GAB4: variants seen among roughly 807,000 people sequenced by gnomAD.
GAB4 encodes the protein GRB2 associated binding protein family member 4, also known as GRB2-associated-binding protein 4.
Under a neutral mutation model 51.3 loss-of-function variants are expected in GAB4, and 26 were observed. The ratio of observed to expected loss-of-function variants is 0.51; its 90% CI spans 0.37 to 0.70. The LOEUF is 0.70. Ranked by LOEUF, GAB4 falls within the 30% of genes least tolerant of loss-of-function variation. The pLI is 0.00. For missense variants in GAB4, 759 were observed against 734.6 expected (o/e 1.03, Z -0.38); for synonymous variants, 329 against 291.2 (o/e 1.13, Z -1.32).
Position 16,969,273 on chromosome 22 carries a change from C to T in GAB4, c.937+670G>A, listed in dbSNP as rs553772601. Among the ~76,000 whole-genome samples, 8 of 152,336 alleles carry T rather than the reference C, an allele frequency of 5.3e-5. No individual in the cohort carries two copies. In the South Asian group the frequency reaches 1.7e-3, roughly 32 times the overall value. On this transcript the variant is annotated intron_variant, in intron 4 of 9. Coordinates refer to ENST00000400588, the MANE Select transcript of GAB4 (RefSeq NM_001037814.1). Reference sequence around the variant, plus strand: ...GGTTTGGCTCTAGTTTTGGACTGATCTCCTAAACTTCTGTTTTAAGTCTTT... The same window carrying T: ...GGTTTGGCTCTAGTTTTGGACTGATTTCCTAAACTTCTGTTTTAAGTCTTT...
In GAB4 at chr22:16,969,706, G is replaced by T. The variant is rs531567490; in HGVS notation, c.937+237C>A. The T allele has an allele frequency of 1.1e-5, 7 of 658,132 alleles. No individual in the cohort carries two copies. The South Asian group carries it at 1.2e-4, about 12-fold the overall frequency. The allele number at this position is 658,132 out of a possible 1,614,324, so 40.8% of individuals were successfully genotyped here. A position where few individuals can be genotyped will look rare whatever the true frequency, so the allele number is the denominator to read the frequency against. ...CACCTGCTACTTTCACTGACTAAAGGTCTCTGCTGAGGGCTGCCCCACTGA... is the reference window on the plus strand; with the variant it reads ...CACCTGCTACTTTCACTGACTAAAGTTCTCTGCTGAGGGCTGCCCCACTGA... On this transcript the variant is annotated intron_variant, in intron 4 of 9. Coordinates refer to ENST00000400588, the MANE Select transcript of GAB4 (RefSeq NM_001037814.1).
At chr22:16,964,637 T>A (rs916729169) in intron 8 of GAB4, 129 bp downstream of exon 8, 18 of 624,308 alleles carry the variant, frequency 2.9e-5, no homozygotes, top group Non-Finnish European at 5.2e-5. Flanking sequence ...GAGCTTGCAA[T>A]AGGAGACCAA....
In GAB4 at chr22:16,962,688, C is replaced by T. The variant is rs201393613; in HGVS notation, c.*45G>A. 1.3e-5 allele frequency: 21 copies of T among 1,573,080 alleles called. No homozygotes were observed. Among genetic ancestry groups the T allele is most frequent in the Non-Finnish European group, 1.8e-5 (21 of 1,158,396 alleles). On this transcript the variant is annotated 3_prime_UTR_variant, in exon 10 of 10. Coordinates refer to ENST00000400588, the MANE Select transcript of GAB4 (RefSeq NM_001037814.1). Reference sequence around the variant, plus strand: ...AGAGCTTTAGAGTGTGGCGGAGCAGCTCTGAGGCACTGTCCTGGCCCCACT... The same window carrying T: ...AGAGCTTTAGAGTGTGGCGGAGCAGTTCTGAGGCACTGTCCTGGCCCCACT...
chr22:16,963,210 C>T (rs1286237658), intron 9 of GAB4, among the ~76,000 whole-genome samples: 1 of 152,176 alleles, frequency 6.6e-6, no homozygotes, highest in African/African-American at 2.4e-5. Context: ...CAGCCTAGGC[C>T]TTTCCAGGGG....
chr22:16,966,374 G>A lies in GAB4; in HGVS notation c.1024-10C>T, dbSNP rs930643688. On this transcript the variant is annotated splice_polypyrimidine_tract_variant and intron_variant, in intron 5 of 9. Coordinates refer to ENST00000400588, the MANE Select transcript of GAB4 (RefSeq NM_001037814.1). ...CAAGCGTTCTTCCTGGCTAGGAAGA[G>A]GACAGTGAAAGAAACACAGCTATCA... The A allele has an allele frequency of 1.1e-5, 18 of 1,604,952 alleles. No individual in the cohort carries two copies. The Admixed American group carries it at 1.3e-4, about 12-fold the overall frequency.
At chr22:17,004,996 G>A (rs2061028596) in intron 1 of GAB4, among the ~76,000 whole-genome samples, 1 of 152,178 alleles carries the variant, frequency 6.6e-6, no homozygotes, top group African/African-American at 2.4e-5. Context: ...GGAAGTTCTG[G>A]CCAGGACAAT....
At chr22:16,962,905 G>T in intron 9 of GAB4, 29 bp from the exon 10 acceptor site, 1 of 1,598,770 alleles carries the variant, frequency 6.3e-7, no homozygotes, top group Non-Finnish European at 8.5e-7. Context: ...AAGTGGGAGT[G>T]GCAGTGTCTG....
rs1298434648 is a variant in GAB4 at position 16,976,173 on chromosome 22, T to C, written c.687-5980A>G. Among the ~76,000 whole-genome samples the C allele has an allele frequency of 2.6e-5, 4 of 152,196 alleles. No homozygotes were observed. In the South Asian group the frequency reaches 6.2e-4, roughly 24 times the overall value. ...GAACAAAACTGCACAGAGAATGAGTTTGACCAACTGACAGAAGTAGGCTTC... is the reference window on the plus strand; with the variant it reads ...GAACAAAACTGCACAGAGAATGAGTCTGACCAACTGACAGAAGTAGGCTTC... On this transcript the variant is annotated intron_variant, in intron 3 of 9. Coordinates refer to ENST00000400588, the MANE Select transcript of GAB4 (RefSeq NM_001037814.1).
chr22:16,967,301 G>C (rs2123645092), intron 5 of GAB4: 1 of 153,174 alleles, frequency 6.5e-6, no homozygotes, highest in Non-Finnish European at 1.5e-5. Flanking sequence ...TGCAGATGTG[G>C]CTCAGCACCC....
intron 3 of GAB4, among the ~76,000 whole-genome samples, chr22:16,973,012 G>A (rs56653718): frequency 0.088 from 13,445 of 152,112 alleles, 625 homozygotes; most frequent in Non-Finnish European, 0.097. Flanking sequence ...GACACTTCTG[G>A]GCTTTGTCCT....
intron 2 of GAB4, among the ~76,000 whole-genome samples, chr22:16,990,408 T>A (rs2060904352): frequency 6.6e-6 from 1 of 152,180 alleles, no homozygotes; most frequent in Non-Finnish European, 1.5e-5. Flanking sequence ...TATGTGTTGA[T>A]CAAACAAAGG....
At chr22:16,970,924 G>A (rs1422003334) in intron 3 of GAB4, among the ~76,000 whole-genome samples, 2 of 152,098 alleles carry the variant, frequency 1.3e-5, no homozygotes, top group South Asian at 2.1e-4. Flanking sequence ...AGCCAGGCAC[G>A]GTGGCCCACA....
At position 16,962,726 on chromosome 22, in the gene GAB4, G is replaced by T. The variant is rs755839726; in HGVS notation, c.*7C>A. ...TCCTGGCCCCACTCTGGTTTTGGTGGCCCGAGTCACAGCTTGGCGCCCCTG... is the reference window on the plus strand; with the variant it reads ...TCCTGGCCCCACTCTGGTTTTGGTGTCCCGAGTCACAGCTTGGCGCCCCTG... On this transcript the variant is annotated 3_prime_UTR_variant, in exon 10 of 10. Transcript: ENST00000400588. 1 of 1,607,576 alleles carries T rather than the reference G, an allele frequency of 6.2e-7. No homozygotes were observed. Among genetic ancestry groups the T allele is most frequent in the African/African-American group, 1.3e-5 (1 of 74,878 alleles).
chr22:16,964,316 C>G (rs1373161543), intron 8 of GAB4, among the ~76,000 whole-genome samples: 1 of 152,200 alleles, frequency 6.6e-6, no homozygotes, highest in Non-Finnish European at 1.5e-5. Context: ...GCTCATTCTT[C>G]CAATATCTAT....
At chr22:16,968,166 T>A (rs2060697265) in intron 5 of GAB4, 132 bp downstream of exon 5, 1 of 682,920 alleles carries the variant, frequency 1.5e-6, no homozygotes, top group African/African-American at 1.8e-5. Flanking sequence ...GGTTCTGAAC[T>A]GAGGCAAGAA....
intron 2 of GAB4, among the ~76,000 whole-genome samples, chr22:16,990,396 A>C (rs2060904246): frequency 6.6e-6 from 1 of 152,162 alleles, no homozygotes; most frequent in Non-Finnish European, 1.5e-5. Flanking sequence ...TAACACAGTA[A>C]GTATGTGTTG....
At chr22:16,965,044 T>A in intron 7 of GAB4, 134 bp downstream of exon 7, 2 of 748,292 alleles carry the variant, frequency 2.7e-6, no homozygotes, top group Non-Finnish European at 4.4e-6. Flanking sequence ...TCACGCCTCA[T>A]GAGACGGAGA....
intron 2 of GAB4, among the ~76,000 whole-genome samples, chr22:16,990,008 G>C (rs1213007822): frequency 6.6e-6 from 1 of 152,160 alleles, no homozygotes; most frequent in African/African-American, 2.4e-5. Flanking sequence ...CCCCTCGTAT[G>C]CCTGTGTTCC....
At chr22:17,003,069 T>C (rs2061010675) in intron 1 of GAB4, among the ~76,000 whole-genome samples, 1 of 151,578 alleles carries the variant, frequency 6.6e-6, no homozygotes, top group Admixed American at 6.6e-5. Context: ...CCAACAAACA[T>C]CAAAAACGAA....
Sources: allele counts gnomAD v4.1 joint callset (sites outside exome capture counted in the v4.1 genomes callset), GRCh38; gene constraint gnomAD v4.1.1; transcripts MANE v1.5; gene names NCBI Gene and HGNC (gene_info 2026-07-23, HGNC 2026-07-21).